Variants in NRBP1 observed in about 807,000 individuals in gnomAD.
The protein encoded by NRBP1 is nuclear receptor binding protein 1, also known as nuclear receptor-binding protein.
In NRBP1, 10 loss-of-function variants were observed where a neutral mutation model predicts 76.0. That is an observed-to-expected ratio of 0.13 (90% CI 0.08 to 0.22). The LOEUF (loss-of-function observed/expected upper bound fraction) is 0.22. NRBP1 is among the 10% of genes least tolerant of loss of function. The probability of loss-of-function intolerance (pLI) is 1.00; values close to 1 mark genes in which losing one functional copy is unlikely to be tolerated. For missense variants in NRBP1, 344 were observed against 646.0 expected (o/e 0.53, Z 5.07); for synonymous variants, 235 against 240.2 (o/e 0.98, Z 0.20).
chr2:27,441,437 T>C, intron 16 of NRBP1, 107 bp downstream of exon 16: 1 of 1,419,910 alleles, frequency 7.0e-7, no homozygotes, highest in Non-Finnish European at 1.0e-6. Context: ...TTGACTCACA[T>C]AGAATGACTA....
intron 10 of NRBP1, among the ~76,000 whole-genome samples, chr2:27,438,660 G>A (rs1664407218): frequency 6.6e-6 from 1 of 152,162 alleles, no homozygotes; most frequent in South Asian, 2.1e-4. Flanking sequence ...ACATGCAGGA[G>A]GTAGAAAAGG....
rs781745693 is a variant in NRBP1, at chr2:27,433,269, C to G, written c.-5C>G. ...ACCAGTGCAGGCCTGAGTGTTCCTT[C>G]CAGCATGTCGGAGGGGGAGTCCCAG... On this transcript the variant is annotated 5_prime_UTR_variant, in exon 2 of 18. Transcript: ENST00000379852. 3 of 1,613,106 alleles carry G rather than the reference C, an allele frequency of 1.9e-6. No individual in the cohort carries two copies. The highest frequency in any genetic ancestry group is 1.7e-5 in the Admixed American group (1 of 60,014).
chr2:27,437,406 T>C (rs779143825), intron 10 of NRBP1, 46 bp downstream of exon 10: 1 of 1,429,556 alleles, frequency 7.0e-7, no homozygotes, highest in Non-Finnish European at 9.8e-7. Context: ...CCTTCAAATG[T>C]CTTCTGGTTT....
Position 27,433,400 on chromosome 2 carries a change from C to G in NRBP1, c.127C>G (p.Pro43Ala), listed in dbSNP as rs1664184128. ...GACCTCCACAACCTCAGCTGCTTCC[C>G]CAGAGGAAGAAGAAGAAAGTGAAGA... is the stretch of plus-strand genomic sequence containing the variant. ...PVTSTTSAAS[P>A]EEEEESEDES... The change falls in exon 2 of 18, where the codon CCA becomes GCA. Residue 43 changes from proline (P) to alanine (A), a missense_variant. Pro to Ala is a conservative substitution (Grantham distance 27). Transcript: ENST00000379852. 6.2e-7 allele frequency: 1 copy of G among 1,614,078 alleles called. No individual in the cohort carries two copies. The highest frequency in any genetic ancestry group is 1.3e-5 in the African/African-American group (1 of 74,922).
At position 27,428,724 on chromosome 2, in the gene NRBP1, G is replaced by A. The variant is rs915021592; in HGVS notation, c.-28G>A. ...TGAAGCGCAGGCTGCGGGGCGCGGA[G>A]TCGGGAGGTGAGCGCCCAGGGAAAA... On this transcript the variant is annotated 5_prime_UTR_variant, in exon 1 of 18. Transcript: ENST00000379852. 2.0e-4 allele frequency: 80 copies of A among 397,948 alleles called. 1 individual carries two copies. Among genetic ancestry groups the A allele is most frequent in the African/African-American group, 1.3e-3 (65 of 48,524 alleles). The allele number at this position is 397,948 out of a possible 1,614,324, so 24.7% of individuals were successfully genotyped here.
At position 27,442,234 on chromosome 2, in the gene NRBP1, T is replaced by TA; in HGVS notation, c.*424dup. On this transcript the variant is annotated 3_prime_UTR_variant, in exon 18 of 18. Coordinates refer to ENST00000379852, the MANE Select transcript of NRBP1 (RefSeq NM_013392.4). ...ATTCGATTCGCCTCAGTTGCTGCTG[T>TA]AATAAAAGTCTACTTTTTGCTAAAA... 1.7e-6 allele frequency: 1 copy of TA among 586,104 alleles called. No homozygotes were observed. The highest frequency in any genetic ancestry group is 2.9e-6 in the Non-Finnish European group (1 of 347,258). 36.3% of individuals were successfully genotyped at this position (586,104 alleles called of 1,614,324 possible). A position where few individuals can be genotyped will look rare whatever the true frequency, so the allele number is the denominator to read the frequency against.
rs372629636 is a variant in NRBP1 at position 27,434,572 on chromosome 2, G to A, written c.525+12G>A. On this transcript the variant is annotated intron_variant, in intron 5 of 17. Coordinates refer to ENST00000379852, the MANE Select transcript of NRBP1 (RefSeq NM_013392.4). ...CGATGAATGAAAAGGTATAGAAGGA[G>A]AGCAGACAAAGTTTGAGGCTGGTTT... 4 of 1,612,050 alleles carry A rather than the reference G, an allele frequency of 2.5e-6. No homozygotes were observed. The highest frequency in any genetic ancestry group is 3.4e-6 in the Non-Finnish European group (4 of 1,178,158).
intron 5 of NRBP1, 70 bp from the exon 6 acceptor site, chr2:27,434,652 C>T (rs543062715): frequency 4.1e-5 from 65 of 1,596,910 alleles, no homozygotes; most frequent in African/African-American, 6.7e-5. Context: ...CAGGAAGGGA[C>T]GGAAGGAGCT....
intron 1 of NRBP1, among the ~76,000 whole-genome samples, chr2:27,432,715 A>G (rs1664154677): frequency 1.3e-5 from 2 of 151,852 alleles, no homozygotes; most frequent in South Asian, 2.1e-4. Context: ...AGCTGGGACT[A>G]TAGCTGTGTA....
chr2:27,435,331 G>T (rs1664262191), intron 7 of NRBP1, 104 bp downstream of exon 7: 2 of 903,902 alleles, frequency 2.2e-6, no homozygotes, highest in Non-Finnish European at 1.7e-6. Context: ...TCTGAGGTGT[G>T]GGCTGGTGAG....
At chr2:27,431,367 G>A (rs1296037280) in intron 1 of NRBP1, among the ~76,000 whole-genome samples, 1 of 152,176 alleles carries the variant, frequency 6.6e-6, no homozygotes, top group Non-Finnish European at 1.5e-5. Context: ...CAGAGCCTTT[G>A]AGCAATGTGA....
At position 27,441,778 on chromosome 2, in the gene NRBP1, C is replaced by T. The variant is rs371589798; in HGVS notation, c.1574C>T (p.Thr525Ile). 6.8e-6 allele frequency: 11 copies of T among 1,613,520 alleles called. No individual in the cohort carries two copies. The highest frequency in any genetic ancestry group is 9.3e-6 in the Non-Finnish European group (11 of 1,179,572). The change falls in exon 18 of 18, where the codon ACC becomes ATC. Residue 525 changes from threonine (T) to isoleucine (I), a missense_variant. Thr to Ile is a moderately conservative substitution (Grantham distance 89). Transcript: ENST00000379852. ...LNKFNFARNSTLNSAAVTVSS is the reference protein window; with the variant it reads ...LNKFNFARNSILNSAAVTVSS ...AAGTTCAATTTTGCCAGGAACAGTA[C>T]CCTCAACTCAGCCGCTGTCACCGTC...
intron 1 of NRBP1, among the ~76,000 whole-genome samples, chr2:27,430,478 T>TTTTTTTTTTTTTTTTTC (rs1553317017): frequency 8.7e-5 from 12 of 137,784 alleles, no homozygotes; most frequent in East Asian, 2.0e-4. Flanking sequence ...TCTTTTTTTT[T>TTTTTTTTTTTTTTTTTC]TTTTTTTTGA....
intron 1 of NRBP1, among the ~76,000 whole-genome samples, chr2:27,430,624 C>T (rs1664076634): frequency 6.6e-6 from 1 of 152,052 alleles, no homozygotes; most frequent in Admixed American, 6.6e-5. Context: ...CGTGCGCCAC[C>T]ACACCCTGCT....
chr2:27,437,607 C>T (rs563038742), intron 10 of NRBP1, among the ~76,000 whole-genome samples: 5 of 152,114 alleles, frequency 3.3e-5, no homozygotes, highest in African/African-American at 1.2e-4. Flanking sequence ...CATGGTGGCT[C>T]ACGCCTGTAA....
At chr2:27,429,393 C>G (rs1332027099) in intron 1 of NRBP1, 1 of 152,450 alleles carries the variant, frequency 6.6e-6, no homozygotes, top group Non-Finnish European at 1.5e-5. Flanking sequence ...GGCCTGGGCC[C>G]GTGAGCTCTT....
At chr2:27,429,610 C>G (rs1664023867) in intron 1 of NRBP1, among the ~76,000 whole-genome samples, 1 of 152,154 alleles carries the variant, frequency 6.6e-6, no homozygotes, top group East Asian at 1.9e-4. Context: ...GACAAAACTC[C>G]CAGTGTCGCA....
At chr2:27,431,214 C>T (rs1033781368) in intron 1 of NRBP1, among the ~76,000 whole-genome samples, 3 of 152,166 alleles carry the variant, frequency 2.0e-5, no homozygotes, top group Non-Finnish European at 2.9e-5. Flanking sequence ...GCAGGAGAAT[C>T]GCTTGAACCT....
Position 27,435,142 on chromosome 2 carries a change from C to G in NRBP1, c.576C>G (p.His192Gln). The change falls in exon 7 of 18, where the codon CAC (histidine) becomes CAG (glutamine). Residue 192 changes from histidine (H) to glutamine (Q), a missense_variant. Coordinates refer to ENST00000379852, the MANE Select transcript of NRBP1 (RefSeq NM_013392.4). ...TQILSALSYL[H>Q]SCDPPIIHGN... ...CCCAGTGCCCCCACAGCTACCTGCA[C>G]TCCTGTGACCCCCCCATCATCCATG... 1 of 1,613,900 alleles carries G rather than the reference C, an allele frequency of 6.2e-7. No individual in the cohort carries two copies. Among genetic ancestry groups the G allele is most frequent in the Non-Finnish European group, 8.5e-7 (1 of 1,179,852 alleles).
Sources: gnomAD v4.1 joint callset for allele counts (sites outside exome capture counted in the v4.1 genomes callset) on GRCh38, gnomAD v4.1.1 for gene constraint, MANE v1.5 for transcripts, NCBI Gene and HGNC (gene_info 2026-07-23, HGNC 2026-07-21) for gene names.